The following NT5DC1 variants were observed in gnomAD, a reference collection of about 807,000 sequenced individuals.
NT5DC1 encodes 5'-nucleotidase domain-containing protein 1.
Under a neutral mutation model 59.4 loss-of-function variants are expected in NT5DC1, and 42 were observed. That is an observed-to-expected ratio of 0.71 (90% CI 0.55 to 0.92). The LOEUF (loss-of-function observed/expected upper bound fraction) is 0.92, where lower values mean the gene tolerates loss of function less well. Among genes scored for constraint, NT5DC1 ranks in the 40% least tolerant of loss-of-function variants. The probability of loss-of-function intolerance (pLI) is 0.00; values close to 1 mark genes in which losing one functional copy is unlikely to be tolerated. For synonymous variants in NT5DC1, 172 were observed against 188.1 expected (o/e 0.91, Z 0.70); for missense variants, 501 against 537.1 (o/e 0.93, Z 0.66).
chr6:116,236,801 A>G (rs1782122192), intron 8 of NT5DC1, among the ~76,000 whole-genome samples, 165 bp from the exon 9 acceptor site: 1 of 152,168 alleles, frequency 6.6e-6, no homozygotes, highest in Admixed American at 6.5e-5. Context: ...TAAAAAGTAT[A>G]TACCTATAAG....
intron 6 of NT5DC1, among the ~76,000 whole-genome samples, chr6:116,151,246 T>G (rs190121384): frequency 6.6e-6 from 1 of 152,184 alleles, no homozygotes; most frequent in African/African-American, 2.4e-5. Context: ...TTTTAAAGAC[T>G]CTGAGATCAG....
At chr6:116,160,585 G>A (rs1780303333) in intron 6 of NT5DC1, among the ~76,000 whole-genome samples, 2 of 152,006 alleles carry the variant, frequency 1.3e-5, no homozygotes, top group Admixed American at 1.3e-4. Context: ...TATTTGCTGT[G>A]TTATTTCTTG....
chr6:116,239,187 T>G, intron 11 of NT5DC1, 64 bp downstream of exon 11: 1 of 1,205,294 alleles, frequency 8.3e-7, no homozygotes. Context: ...GTACTAGAAT[T>G]CTTGTCTTTA....
intron 6 of NT5DC1, among the ~76,000 whole-genome samples, chr6:116,136,603 G>A (rs550487144): frequency 1.3e-5 from 2 of 152,200 alleles, no homozygotes; most frequent in South Asian, 4.2e-4. Flanking sequence ...ATAAATTGCT[G>A]TTATTATTTG....
intron 1 of NT5DC1, among the ~76,000 whole-genome samples, chr6:116,102,201 G>T (rs368056902): frequency 9.8e-5 from 15 of 152,318 alleles, no homozygotes; most frequent in African/African-American, 3.6e-4. Context: ...AGCCAGGGTT[G>T]TGCCCCATTA....
rs563291717 is a variant in NT5DC1 at position 116,240,305 on chromosome 6, A to G, written c.1252+1182A>G. Among the ~76,000 whole-genome samples the G allele has an allele frequency of 2.4e-4, 36 of 152,330 alleles. 1 individual carries two copies. In the South Asian group the frequency reaches 7.2e-3, roughly 31 times the overall value. ...AAATTATTCAGAGGAAAAAAATAAT[A>G]AAACAATACAACAATTTAAAATGTT... is the stretch of plus-strand genomic sequence containing the variant. On this transcript the variant is annotated intron_variant, in intron 11 of 11. Coordinates refer to ENST00000319550, the MANE Select transcript of NT5DC1 (RefSeq NM_152729.3).
chr6:116,178,193 AC>A (rs1780795344), intron 6 of NT5DC1, among the ~76,000 whole-genome samples: 2 of 149,490 alleles, frequency 1.3e-5, no homozygotes, highest in Non-Finnish European at 3.0e-5. Flanking sequence ...TTTGCTTGAA[AC>A]CCTTCTTGTT....
Position 116,193,091 on chromosome 6 carries a change from T to TGA in NT5DC1, c.530-27963_530-27962insGA, listed in dbSNP as rs553012560. Among the ~76,000 whole-genome samples the TGA allele has an allele frequency of 1.3e-4, 20 of 152,236 alleles. No homozygotes were observed. In the South Asian group the frequency reaches 3.7e-3, roughly 28 times the overall value. ...GCTCCGTGCCTTACAGACTCTCATA[T>TGA]ATTACCTGAGAATATGCTTATGAAC... On this transcript the variant is annotated intron_variant, in intron 6 of 11. Transcript: ENST00000319550.
intron 6 of NT5DC1, among the ~76,000 whole-genome samples, chr6:116,212,116 CA>C (rs1414367377): frequency 6.6e-6 from 1 of 151,934 alleles, no homozygotes; most frequent in Non-Finnish European, 1.5e-5. Context: ...AATTCTTTTT[CA>C]AATTTTTTAT....
chr6:116,244,961 TATC>T lies in NT5DC1; in HGVS notation c.*941_*943del, dbSNP rs1254680107. 6.6e-6 allele frequency: 1 copy of T among 152,204 alleles called. No homozygotes were observed. Among genetic ancestry groups the T allele is most frequent in the Non-Finnish European group, 1.5e-5 (1 of 68,026 alleles). The allele number at this position is 152,204 out of a possible 1,614,324, so 9.4% of individuals were successfully genotyped here. On this transcript the variant is annotated 3_prime_UTR_variant, in exon 12 of 12. Transcript: ENST00000319550. ...TTAGATATGGCTTGTGGACTTCCAA[TATC>T]ATCCTATCCAACAAAATCTTATTCC...
intron 6 of NT5DC1, among the ~76,000 whole-genome samples, chr6:116,208,933 G>A (rs1325320610): frequency 6.6e-6 from 1 of 151,802 alleles, no homozygotes; most frequent in East Asian, 1.9e-4. Flanking sequence ...CATCATGGCT[G>A]GGGATCCACT....
intron 9 of NT5DC1, among the ~76,000 whole-genome samples, chr6:116,237,844 G>T (rs1782150035): frequency 6.6e-6 from 1 of 152,158 alleles, no homozygotes; most frequent in Non-Finnish European, 1.5e-5. Context: ...TACCTCACCA[G>T]CTCTTCAACT....
chr6:116,195,061 C>G (rs1781196246), intron 6 of NT5DC1, among the ~76,000 whole-genome samples: 1 of 152,062 alleles, frequency 6.6e-6, no homozygotes, highest in Non-Finnish European at 1.5e-5. Flanking sequence ...GCTTTGACTT[C>G]TAGGTAGCAT....
At position 116,105,870 on chromosome 6, in the gene NT5DC1, T is replaced by G. The variant is rs501047; in HGVS notation, c.94-374T>G. On this transcript the variant is annotated intron_variant, in intron 1 of 11. Transcript: ENST00000319550. ...TGACATGGGGCCTTTCTGGCCAGAA[T>G]GGACCAAGGATGGATGGATAGAGTG... Among the ~76,000 whole-genome samples the G allele has an allele frequency of 3.0e-3, 457 of 152,282 alleles. 2 individuals carry two copies. Among genetic ancestry groups the G allele is most frequent in the African/African-American group, 0.011 (442 of 41,558 alleles).
chr6:116,243,940 C>T lies in NT5DC1; in HGVS notation c.1284C>T (p.Phe428=), dbSNP rs760242498. 1 of 1,569,016 alleles carries T rather than the reference C, an allele frequency of 6.4e-7. No individual in the cohort carries two copies. Among genetic ancestry groups the T allele is most frequent in the Non-Finnish European group, 8.7e-7 (1 of 1,144,330 alleles). Residue 428 remains phenylalanine, a synonymous_variant, in exon 12 of 12, where the codon TTC becomes TTT. Coordinates refer to ENST00000319550, the MANE Select transcript of NT5DC1 (RefSeq NM_152729.3). ...ELPLDYKFTR[F]SSSNSKTAGY... is the part of the protein sequence containing the mutation. ...CTCTGGACTACAAATTTACAAGATT[C>T]TCTTCAAGCAATTCAAAAACAGCTG...
intron 6 of NT5DC1, among the ~76,000 whole-genome samples, chr6:116,193,868 C>T (rs978612727): frequency 6.6e-6 from 1 of 151,934 alleles, no homozygotes. Flanking sequence ...CCCAGTTGTT[C>T]GAAACCAGCC....
In NT5DC1 at chr6:116,247,812, A is replaced by G. The variant is rs773466245; in HGVS notation, c.*3788A>G. 1 of 132,866 alleles carries G rather than the reference A, an allele frequency of 7.5e-6. No individual in the cohort carries two copies. The highest frequency in any genetic ancestry group is 7.8e-5 in the Admixed American group (1 of 12,898). 8.2% of individuals were successfully genotyped at this position (132,866 alleles called of 1,614,324 possible). A position where few individuals can be genotyped will look rare whatever the true frequency, so the allele number is the denominator to read the frequency against. ...CACCAAGTTTAATCACTTAAAAAATAAATATTCTCTTAACAGAAATGTCAG... is the reference window on the plus strand; with the variant it reads ...CACCAAGTTTAATCACTTAAAAAATGAATATTCTCTTAACAGAAATGTCAG... On this transcript the variant is annotated 3_prime_UTR_variant, in exon 12 of 12. Transcript: ENST00000319550.
In NT5DC1 at chr6:116,117,730, T is replaced by C. The variant is rs193232305; in HGVS notation, c.445-131T>C. On this transcript the variant is annotated intron_variant, in intron 5 of 11. Transcript: ENST00000319550. ...AATCTTCATCACTTTTGTACCATTA[T>C]AAAATAAAAAAATTGTAAGTCTAAC... 5 of 600,608 alleles carry C rather than the reference T, an allele frequency of 8.3e-6. No individual in the cohort carries two copies. In the Admixed American group the frequency reaches 1.6e-4, roughly 19 times the overall value. 37.2% of individuals were successfully genotyped at this position (600,608 alleles called of 1,614,324 possible).
chr6:116,128,086 A>G (rs1439215291), intron 6 of NT5DC1, among the ~76,000 whole-genome samples: 1 of 152,154 alleles, frequency 6.6e-6, no homozygotes, highest in Non-Finnish European at 1.5e-5. Context: ...AGAGACACAA[A>G]AAAATCCATA....
Sources: gnomAD v4.1 joint callset for allele counts (sites outside exome capture counted in the v4.1 genomes callset) on GRCh38, gnomAD v4.1.1 for gene constraint, MANE v1.5 for transcripts, NCBI Gene and HGNC (gene_info 2026-07-23, HGNC 2026-07-21) for gene names.